The following GAPVD1 variants were observed in gnomAD, a reference collection of about 807,000 sequenced individuals.
GAPVD1 encodes the protein GTPase activating protein and VPS9 domains 1, also known as GTPase-activating protein and VPS9 domain-containing protein 1.
A neutral mutation model predicts 155.5 loss-of-function variants in GAPVD1; 35 were observed. That is an observed-to-expected ratio of 0.23 (90% CI 0.17 to 0.30). The LOEUF is 0.30. Among genes scored for constraint, GAPVD1 ranks in the 10% least tolerant of loss-of-function variants. The pLI, the probability that GAPVD1 is intolerant of heterozygous loss-of-function variation, is 1.00. For synonymous variants in GAPVD1, 636 were observed against 619.7 expected (o/e 1.03, Z -0.39); for missense variants, 1,429 against 1,775.7 (o/e 0.80, Z 3.51).
intron 1 of GAPVD1, among the ~76,000 whole-genome samples, chr9:125,266,529 G>C (rs7037515): frequency 0.047 from 7,149 of 151,980 alleles, 501 homozygotes; most frequent in African/African-American, 0.15. Flanking sequence ...TATCCAGGAT[G>C]GTCTTGATCT....
chr9:125,285,453 G>GGT (rs759281879), intron 2 of GAPVD1, among the ~76,000 whole-genome samples: 1 of 94,686 alleles, frequency 1.1e-5, no homozygotes, highest in Non-Finnish European at 2.0e-5. Flanking sequence ...TTTTTTCTTT[G>GGT]TTTTTTTTTT....
At chr9:125,346,456 A>C in intron 19 of GAPVD1, 1 of 282,458 alleles carries the variant, frequency 3.5e-6, no homozygotes, top group Admixed American at 4.9e-5. Flanking sequence ...TGAATAAATG[A>C]AGTCTGCATG....
chr9:125,310,481 T>C (rs1483228741), intron 8 of GAPVD1, among the ~76,000 whole-genome samples: 1 of 152,154 alleles, frequency 6.6e-6, no homozygotes, highest in Non-Finnish European at 1.5e-5. Context: ...TATTTAGTAT[T>C]CTGGTTGTAC....
chr9:125,291,664 G>A (rs1198425335), intron 2 of GAPVD1, among the ~76,000 whole-genome samples: 2 of 152,122 alleles, frequency 1.3e-5, no homozygotes, highest in African/African-American at 4.8e-5. Context: ...GAGATTCAAA[G>A]CTGGGGTTTT....
chr9:125,323,051 TAAA>T (rs747447121), intron 10 of GAPVD1, among the ~76,000 whole-genome samples: 44 of 102,470 alleles, frequency 4.3e-4, no homozygotes, highest in South Asian at 2.7e-3. Flanking sequence ...AGACTCTCTC[TAAA>T]AAAAAAAAAA....
At chr9:125,342,858 T>C (rs2132141263) in intron 19 of GAPVD1, among the ~76,000 whole-genome samples, 1 of 152,346 alleles carries the variant, frequency 6.6e-6, no homozygotes, top group East Asian at 1.9e-4. Flanking sequence ...TTACTAATTT[T>C]TTACAGCTTG....
Position 125,340,143 on chromosome 9 carries a change from C to T in GAPVD1, c.2878-1034C>T, listed in dbSNP as rs1847639464. On this transcript the variant is annotated intron_variant, in intron 17 of 27. Transcript: ENST00000297933. Reference sequence around the variant, plus strand: ...TCAAGTGATTCTCCTGCCTCAGCCTCCCAAGTTGCTGGGATTATAGGCGAG... The same window carrying T: ...TCAAGTGATTCTCCTGCCTCAGCCTTCCAAGTTGCTGGGATTATAGGCGAG... Among the ~76,000 whole-genome samples the T allele has an allele frequency of 2.0e-5, 3 of 152,314 alleles. No homozygotes were observed. In the South Asian group the frequency reaches 6.2e-4, roughly 32 times the overall value.
intron 9 of GAPVD1, among the ~76,000 whole-genome samples, chr9:125,319,716 C>T (rs1330669530): frequency 1.3e-5 from 2 of 151,060 alleles, no homozygotes; most frequent in East Asian, 3.9e-4. Flanking sequence ...ATTCTCCTGT[C>T]TCAGCCTCCC....
Position 125,337,291 on chromosome 9 carries a change from C to G in GAPVD1, c.2577C>G (p.Ile859Met). ...CGCATCCACCACCAGATCCCCCAAT[C>G]CTGGAAGGAGCTGTGGGAGGAAATG... ...RPSHPPPDPP[I>M]LEGAVGGNEA... The change falls in exon 17 of 28, where the codon ATC (isoleucine) becomes ATG (methionine). Residue 859 changes from isoleucine to methionine, a missense_variant. Ile to Met is a conservative substitution (Grantham distance 10). Coordinates refer to ENST00000297933, the MANE Select transcript of GAPVD1 (RefSeq NM_001282680.3). 1 of 1,614,102 alleles carries G rather than the reference C, an allele frequency of 6.2e-7. No individual in the cohort carries two copies. The highest frequency in any genetic ancestry group is 8.5e-7 in the Non-Finnish European group (1 of 1,179,956).
At chr9:125,293,854 A>ATATATATATAAATATATTTTATT in intron 2 of GAPVD1, among the ~76,000 whole-genome samples, 1 of 4,184 alleles carries the variant, frequency 2.4e-4, no homozygotes, top group East Asian at 6.2e-3. Context: ...AATATATTTT[A>ATATATATATAAATATATTTTATT]TATATATATA....
At chr9:125,297,463 G>A (rs1369725663) in intron 3 of GAPVD1, among the ~76,000 whole-genome samples, 3 of 152,166 alleles carry the variant, frequency 2.0e-5, no homozygotes, top group Non-Finnish European at 2.9e-5. Flanking sequence ...CTAAATACAC[G>A]TTTGAGTGGA....
chr9:125,323,526 C>T (rs930912039), intron 10 of GAPVD1, among the ~76,000 whole-genome samples: 5 of 152,032 alleles, frequency 3.3e-5, no homozygotes, highest in Admixed American at 1.3e-4. Flanking sequence ...AGGATGGTCT[C>T]GATCTCCTGA....
rs1851226273 is a variant in GAPVD1, at chr9:125,363,620, TCTC to T, written c.*879_*881del. 1 of 152,572 alleles carries T rather than the reference TCTC, an allele frequency of 6.6e-6. No homozygotes were observed. Among genetic ancestry groups the T allele is most frequent in the African/African-American group, 2.4e-5 (1 of 41,440 alleles). 9.5% of individuals were successfully genotyped at this position (152,572 alleles called of 1,614,324 possible). A position where few individuals can be genotyped will look rare whatever the true frequency, so the allele number is the denominator to read the frequency against. ...ATAGCTCATACTTTATGGTGGTTCT[TCTC>T]CTCCGAAATAATATACTGCAGAAAT... On this transcript the variant is annotated 3_prime_UTR_variant, in exon 28 of 28. Coordinates refer to ENST00000297933, the MANE Select transcript of GAPVD1 (RefSeq NM_001282680.3).
chr9:125,287,973 C>G (rs1308757635), intron 2 of GAPVD1: 1 of 152,144 alleles, frequency 6.6e-6, no homozygotes, highest in Admixed American at 6.6e-5. Flanking sequence ...CTCCTGACCT[C>G]AAGTGATCCG....
At chr9:125,323,537 C>T (rs1381231114) in intron 10 of GAPVD1, among the ~76,000 whole-genome samples, 2 of 152,082 alleles carry the variant, frequency 1.3e-5, no homozygotes, top group Admixed American at 1.3e-4. Flanking sequence ...GATCTCCTGA[C>T]CTCATGATCC....
Position 125,346,897 on chromosome 9 carries a change from G to C in GAPVD1, c.3125G>C (p.Arg1042Pro), listed in dbSNP as rs769469758. ...ILDKYRNAIK[R>P]TSPSDGAMAN... ...GACAAATACAGGAATGCCATTAAAC[G>C]GACCAGCCCCAGTGATGGAGCAATG... The change falls in exon 20 of 28, where the codon CGG becomes CCG. Residue 1042 changes from arginine to proline, a missense_variant. Arg to Pro is a moderately radical substitution (Grantham distance 103). Around this residue, in one of 4 missense-constraint regions of GAPVD1, gnomAD observed 699 missense variants for 826.0 expected, o/e 0.85. Transcript: ENST00000297933. 6.2e-7 allele frequency: 1 copy of C among 1,612,694 alleles called. No homozygotes were observed. Among genetic ancestry groups the C allele is most frequent in the Non-Finnish European group, 8.5e-7 (1 of 1,178,766 alleles).
intron 10 of GAPVD1, among the ~76,000 whole-genome samples, chr9:125,322,822 G>A (rs567828089): frequency 1.3e-5 from 2 of 152,088 alleles, no homozygotes; most frequent in Admixed American, 6.6e-5. Context: ...GGATGCCGAG[G>A]TGGGTGGATT....
At chr9:125,319,918 C>T (rs1024806393) in intron 9 of GAPVD1, among the ~76,000 whole-genome samples, 4 of 152,142 alleles carry the variant, frequency 2.6e-5, no homozygotes, top group Non-Finnish European at 5.9e-5. Context: ...TATTTAAAGG[C>T]ATCATGTGTA....
intron 2 of GAPVD1, among the ~76,000 whole-genome samples, chr9:125,277,681 G>A (rs1296837687): frequency 6.8e-6 from 1 of 147,972 alleles, no homozygotes; most frequent in African/African-American, 2.5e-5. Flanking sequence ...TACTATGCTT[G>A]TCTGTTTTTT....
Sources: allele counts gnomAD v4.1 joint callset (sites outside exome capture counted in the v4.1 genomes callset), GRCh38; gene constraint gnomAD v4.1.1; regional missense constraint gnomAD v4.1.1; transcripts MANE v1.5; gene names NCBI Gene and HGNC (gene_info 2026-07-23, HGNC 2026-07-21).